The following TMEM71 variants were observed in gnomAD, a reference collection of about 807,000 sequenced individuals.
The protein encoded by TMEM71 is transmembrane protein 71.
In TMEM71, 44 loss-of-function variants were observed where a neutral mutation model predicts 38.0. The observed-to-expected ratio is 1.16, with a 90% CI of 0.91 to 1.49. TMEM71 has a LOEUF of 1.49. Among genes scored for constraint, TMEM71 ranks in the 40% most tolerant of loss-of-function variants. TMEM71 has a pLI of 0.00. For missense variants in TMEM71, 367 were observed against 348.6 expected, an observed-to-expected ratio of 1.05 and a Z score of -0.42; for synonymous variants, 133 against 122.5, an observed-to-expected ratio of 1.09 and a Z score of -0.56.
chr8:132,735,202 C>T (rs965839630), intron 5 of TMEM71, among the ~76,000 whole-genome samples: 4 of 152,136 alleles, frequency 2.6e-5, no homozygotes, highest in Admixed American at 1.3e-4. Flanking sequence ...TGCAAAATTC[C>T]GTGGCTCAAG....
intron 5 of TMEM71, among the ~76,000 whole-genome samples, chr8:132,733,817 A>G (rs1827594194): frequency 6.6e-6 from 1 of 152,200 alleles, no homozygotes; most frequent in Admixed American, 6.5e-5. Context: ...ATATTATTCA[A>G]TCTTAAAAAA....
intron 5 of TMEM71, among the ~76,000 whole-genome samples, chr8:132,735,682 TG>T (rs930831891): frequency 1.3e-5 from 2 of 152,218 alleles, no homozygotes; most frequent in African/African-American, 2.4e-5. Context: ...CCTTTGAAAT[TG>T]TTTGGACATA....
At chr8:132,709,455 T>C (rs1277490573), downstream of TMEM71, among the ~76,000 whole-genome samples, 1 of 152,188 alleles carries the variant, frequency 6.6e-6, no homozygotes, top group East Asian at 1.9e-4. Context: ...AACCCATCAA[T>C]GTTACCTTAT....
At chr8:132,733,592 CA>C (rs1379288460) in intron 5 of TMEM71, among the ~76,000 whole-genome samples, 2 of 152,300 alleles carry the variant, frequency 1.3e-5, no homozygotes, top group African/African-American at 4.8e-5. Context: ...GGCAGCTTGA[CA>C]AAGCAGTCTG....
At chr8:132,751,353 ATTTTTCAAGAC>A in intron 4 of TMEM71, among the ~76,000 whole-genome samples, 1 of 152,034 alleles carries the variant, frequency 6.6e-6, no homozygotes, top group Non-Finnish European at 1.5e-5. Context: ...AACATCCTAC[ATTTTTCAAGAC>A]TTAAATCAGC....
At chr8:132,758,493 C>T (rs1829154515) in intron 2 of TMEM71, 1 of 211,788 alleles carries the variant, frequency 4.7e-6, no homozygotes, top group Admixed American at 6.0e-5. Flanking sequence ...TTTAACAGCG[C>T]TCTTATTTTC....
chr8:132,748,322 C>T (rs1828505231), intron 4 of TMEM71, among the ~76,000 whole-genome samples: 1 of 152,210 alleles, frequency 6.6e-6, no homozygotes. Context: ...CAGGGAACAT[C>T]TGGCAGGTTT....
intron 1 of TMEM71, 90 bp downstream of exon 1, chr8:132,760,386 A>G (rs957604880): frequency 7.9e-5 from 12 of 152,242 alleles, no homozygotes; most frequent in African/African-American, 2.9e-4. Flanking sequence ...TTGACAGTGG[A>G]AAAATTGAGG....
At chr8:132,745,933 C>T (rs992726483) in intron 5 of TMEM71, among the ~76,000 whole-genome samples, 1 of 150,014 alleles carries the variant, frequency 6.7e-6, no homozygotes, top group Non-Finnish European at 1.5e-5. Context: ...ACCAAATACC[C>T]TATGTTCTTA....
the TMEM71 span, among the ~76,000 whole-genome samples, chr8:132,774,824 G>A: frequency 1.3e-5 from 2 of 152,204 alleles, no homozygotes; most frequent in East Asian, 3.8e-4. Flanking sequence ...GCCTGAGCAC[G>A]CGCGTACACA....
chr8:132,714,064 CAG>C lies in TMEM71; in HGVS notation c.815-14_815-13del. 2 of 1,613,750 alleles carry C rather than the reference CAG, an allele frequency of 1.2e-6. No individual in the cohort carries two copies. Among genetic ancestry groups the C allele is most frequent in the South Asian group, 1.1e-5 (1 of 91,078 alleles). On this transcript the variant is annotated splice_polypyrimidine_tract_variant and intron_variant, in intron 8 of 9. Coordinates refer to ENST00000677595, the MANE Select transcript of TMEM71 (RefSeq NM_001382403.1). ...CAATGATTTCACATCTTGAGTGAAA[CAG>C]AGAAAATATTTTAAAATCATTTTAA...
intron 5 of TMEM71, among the ~76,000 whole-genome samples, chr8:132,746,434 T>TATAC (rs1828369166): frequency 1.8e-4 from 3 of 16,522 alleles, no homozygotes; most frequent in East Asian, 1.7e-3. Context: ...TATACATATA[T>TATAC]ATATACATAT....
the TMEM71 span, among the ~76,000 whole-genome samples, chr8:132,774,282 C>A: frequency 3.5e-4 from 53 of 152,230 alleles, no homozygotes; most frequent in Non-Finnish European, 5.3e-4. Flanking sequence ...AGATGCTGGG[C>A]AACCAAAAAA....
the TMEM71 span, among the ~76,000 whole-genome samples, chr8:132,772,024 G>C: frequency 2.0e-5 from 3 of 152,032 alleles, no homozygotes; most frequent in Non-Finnish European, 4.4e-5. Flanking sequence ...AGTAGTTTAC[G>C]TTTCTGCTAA....
Position 132,722,078 on chromosome 8 carries a change from G to C in TMEM71, c.714C>G (p.Ile238Met), listed in dbSNP as rs774073869. 1 of 1,614,056 alleles carries C rather than the reference G, an allele frequency of 6.2e-7. No homozygotes were observed. The highest frequency in any genetic ancestry group is 8.5e-7 in the Non-Finnish European group (1 of 1,179,966). The change falls in exon 7 of 10, where the codon ATC becomes ATG. Residue 238 changes from isoleucine (I) to methionine (M), a missense_variant. Ile to Met is a conservative substitution (Grantham distance 10, BLOSUM62 1). Transcript: ENST00000677595. ...AAATGATTAAGCACACAGCAAGCAG[G>C]ATTGCCTGAAAGAAGACCTCTTGCA... The part of the protein sequence containing the change: ...RLLQEVFFQA[I>M]LLAVCLIISA...
rs1462947732 is a variant in TMEM71 at position 132,746,476 on chromosome 8, C to CATATATAT, written c.487+458_487+465dup. Among the ~76,000 whole-genome samples, 11 of 14,498 alleles carry CATATATAT rather than the reference C, an allele frequency of 7.6e-4. No individual in the cohort carries two copies. The South Asian group carries it at 0.036, about 47-fold the overall frequency. 9.5% of individuals were successfully genotyped at this position (14,498 alleles called of 152,430 possible). On this transcript the variant is annotated intron_variant, in intron 5 of 9. Coordinates refer to ENST00000677595, the MANE Select transcript of TMEM71 (RefSeq NM_001382403.1). Reference sequence around the variant, plus strand: ...ACATATATATATACATATATATATACATATATATATACATATATATACATA... The same window carrying CATATATAT: ...ACATATATATATACATATATATATACATATATATATATATATATACATATATATACATA...
upstream of TMEM71, among the ~76,000 whole-genome samples, chr8:132,764,957 A>G (rs183878756): frequency 1.6e-4 from 25 of 152,376 alleles, no homozygotes; most frequent in African/African-American, 5.5e-4. Flanking sequence ...TCTCTGCCAC[A>G]CATAGCACAC....
chr8:132,706,408 C>T (rs560213557), downstream of TMEM71, among the ~76,000 whole-genome samples: 4 of 152,184 alleles, frequency 2.6e-5, no homozygotes, highest in African/African-American at 9.6e-5. Context: ...TGACTCAGTT[C>T]TTACAGGTAG....
intron 5 of TMEM71, among the ~76,000 whole-genome samples, chr8:132,736,179 CG>C (rs1174761083): frequency 6.6e-6 from 1 of 152,160 alleles, no homozygotes; most frequent in Non-Finnish European, 1.5e-5. Flanking sequence ...TGTGATTCAA[CG>C]TTCACTGTTG....
Sources: gnomAD v4.1 joint callset for allele counts (sites outside exome capture counted in the v4.1 genomes callset) on GRCh38, gnomAD v4.1.1 for gene constraint, MANE v1.5 for transcripts, NCBI Gene and HGNC (gene_info 2026-07-23, HGNC 2026-07-21) for gene names.